COL23A1: variants seen among roughly 807,000 people sequenced by gnomAD.
COL23A1 encodes collagen alpha-1(XXIII) chain.
A neutral mutation model predicts 99.3 loss-of-function variants in COL23A1; 97 were observed. That is an observed-to-expected ratio of 0.98 (90% confidence interval 0.83 to 1.16). The LOEUF is 1.16. COL23A1 is among the 50% of genes most tolerant of loss of function. The pLI is 0.00. For missense variants in COL23A1, 762 were observed against 757.4 expected (o/e 1.01, Z -0.07); for synonymous variants, 320 against 308.2 (o/e 1.04, Z -0.40).
At position 178,589,716 on chromosome 5, in the gene COL23A1, C is replaced by A. The variant is rs1764168804; in HGVS notation, c.294+188G>T. Reference sequence around the variant, plus strand: ...AGGCCGGAGCGGAGACCGCAAAACCCCTTGGGGCCGGCACCCCCTGCCTCC... The same window carrying A: ...AGGCCGGAGCGGAGACCGCAAAACCACTTGGGGCCGGCACCCCCTGCCTCC... On this transcript the variant is annotated intron_variant, in intron 1 of 28. Transcript: ENST00000390654. The surrounding 1 kb of genome is among the most constrained non-coding windows in gnomAD (Gnocchi z 5.4). 1.3e-5 allele frequency among the ~76,000 whole-genome samples: 2 copies of A among 152,166 alleles called. No homozygotes were observed. Among genetic ancestry groups the A allele is most frequent in the Admixed American group, 6.5e-5 (1 of 15,290 alleles).
intron 1 of COL23A1, among the ~76,000 whole-genome samples, chr5:178,585,208 G>T (rs1457953530): frequency 6.6e-6 from 1 of 152,184 alleles, no homozygotes; most frequent in Non-Finnish European, 1.5e-5. Context: ...ACTTAGGCGG[G>T]CCAGTGGATG....
At chr5:178,536,781 G>C (rs550076) in intron 2 of COL23A1, among the ~76,000 whole-genome samples, 3 of 152,078 alleles carry the variant, frequency 2.0e-5, no homozygotes, top group Admixed American at 1.3e-4. Flanking sequence ...GAGGTTTCCC[G>C]GGGAGGTGGG....
chr5:178,366,986 G>A lies in COL23A1; in HGVS notation c.362-60067C>T, dbSNP rs149426720. On this transcript the variant is annotated intron_variant, in intron 2 of 28. Coordinates refer to ENST00000390654, the MANE Select transcript of COL23A1 (RefSeq NM_173465.4). The surrounding 1 kb of genome is among the most constrained non-coding windows in gnomAD (Gnocchi z 4.4). The stretch of plus-strand genomic sequence containing the variant: ...GTCTCCTACGGACCTGGAATGGGGT[G>A]GTCATTTGGTGCGTGTTTGTTGAAA... Among the ~76,000 whole-genome samples, 1 of 152,154 alleles carries A rather than the reference G, an allele frequency of 6.6e-6. No individual in the cohort carries two copies. Among genetic ancestry groups the A allele is most frequent in the Non-Finnish European group, 1.5e-5 (1 of 68,032 alleles).
chr5:178,240,379 C>T (rs936248724), intron 27 of COL23A1, among the ~76,000 whole-genome samples: 10 of 152,090 alleles, frequency 6.6e-5, no homozygotes, highest in South Asian at 2.1e-4. Flanking sequence ...CGAGGAAGGC[C>T]GGGGCAGAGC....
chr5:178,386,666 G>T (rs1335780867), intron 2 of COL23A1, among the ~76,000 whole-genome samples: 1 of 152,104 alleles, frequency 6.6e-6, no homozygotes, highest in Non-Finnish European at 1.5e-5. Context: ...AGCTCACTGA[G>T]ACCCGGTGGG....
At chr5:178,572,445 A>C (rs896501190) in intron 1 of COL23A1, among the ~76,000 whole-genome samples, 2 of 138,888 alleles carry the variant, frequency 1.4e-5, no homozygotes, top group Admixed American at 1.4e-4. Context: ...AAGCACACAC[A>C]AAAAAAAATC....
chr5:178,406,565 G>T (rs2127773648), intron 2 of COL23A1, among the ~76,000 whole-genome samples: 1 of 152,184 alleles, frequency 6.6e-6, no homozygotes, highest in Admixed American at 6.5e-5. Flanking sequence ...GAGTAGCTGG[G>T]ATTACAGGCA....
At chr5:178,250,978 C>CAAAAAA (rs558621690) in intron 17 of COL23A1, among the ~76,000 whole-genome samples, 1 of 72,096 alleles carries the variant, frequency 1.4e-5, no homozygotes, top group African/African-American at 5.1e-5. Flanking sequence ...GACTCCGTCT[C>CAAAAAA]AAAAAAAAAA....
At chr5:178,578,124 C>T (rs1763483203) in intron 1 of COL23A1, among the ~76,000 whole-genome samples, 2 of 141,472 alleles carry the variant, frequency 1.4e-5, no homozygotes, top group African/African-American at 6.0e-5. Context: ...CATTCATGCA[C>T]ACACACACAT....
intron 2 of COL23A1, among the ~76,000 whole-genome samples, chr5:178,536,215 G>A (rs1039724376): frequency 1.3e-4 from 20 of 152,254 alleles, no homozygotes; most frequent in African/African-American, 3.9e-4. Context: ...GGCTCATGCC[G>A]CAGGGGTGCT....
intron 5 of COL23A1, among the ~76,000 whole-genome samples, chr5:178,286,544 G>C (rs114792811): frequency 6.6e-6 from 1 of 152,214 alleles, no homozygotes; most frequent in Non-Finnish European, 1.5e-5. Flanking sequence ...CCTGGCTCGC[G>C]TTCTGGGTGC....
chr5:178,524,101 G>A (rs1261910621), intron 2 of COL23A1, among the ~76,000 whole-genome samples: 3 of 152,142 alleles, frequency 2.0e-5, no homozygotes, highest in African/African-American at 4.8e-5. Context: ...CCTGGGTCAC[G>A]CTAGCTTAAA....
At chr5:178,342,887 G>A (rs1760747550) in intron 2 of COL23A1, among the ~76,000 whole-genome samples, 1 of 152,192 alleles carries the variant, frequency 6.6e-6, no homozygotes, top group African/African-American at 2.4e-5. Context: ...AAGACCATCA[G>A]AGATAGAGAG....
chr5:178,298,193 G>A (rs1757849495), intron 3 of COL23A1, among the ~76,000 whole-genome samples: 1 of 152,158 alleles, frequency 6.6e-6, no homozygotes, highest in Non-Finnish European at 1.5e-5. Context: ...TGAAGTAGAG[G>A]GTTTGATGAT....
intron 8 of COL23A1, among the ~76,000 whole-genome samples, chr5:178,264,460 G>A (rs894590724): frequency 5.9e-5 from 9 of 151,962 alleles, no homozygotes; most frequent in African/African-American, 1.9e-4. Flanking sequence ...CCCACCTCAT[G>A]GCCCAACCCG....
intron 2 of COL23A1, among the ~76,000 whole-genome samples, chr5:178,344,320 T>C (rs1680154363): frequency 6.6e-6 from 1 of 152,154 alleles, no homozygotes; most frequent in Admixed American, 6.5e-5. Context: ...TTTTACACAG[T>C]TGTTTAGGGA....
At chr5:178,474,096 G>C (rs1009207153) in intron 2 of COL23A1, among the ~76,000 whole-genome samples, 30 of 152,202 alleles carry the variant, frequency 2.0e-4, no homozygotes, top group African/African-American at 7.0e-4. Flanking sequence ...ACATTCTCCA[G>C]AGCAAGAGTT....
chr5:178,559,168 C>T (rs1011303125), intron 2 of COL23A1, among the ~76,000 whole-genome samples: 2 of 152,168 alleles, frequency 1.3e-5, no homozygotes, highest in Non-Finnish European at 2.9e-5. Context: ...TCTCAGAGGT[C>T]CTATAAAGGC....
intron 5 of COL23A1, among the ~76,000 whole-genome samples, chr5:178,271,930 C>T (rs1003378675): frequency 1.3e-5 from 2 of 152,196 alleles, no homozygotes; most frequent in Admixed American, 1.3e-4. Flanking sequence ...CTCATAGGCC[C>T]CTGACCGGTG....
Sources: allele counts gnomAD v4.1 joint callset (sites outside exome capture counted in the v4.1 genomes callset), GRCh38; gene constraint gnomAD v4.1.1; non-coding constraint Gnocchi (gnomAD v3.1); transcripts MANE v1.5; gene names NCBI Gene and HGNC (gene_info 2026-07-23, HGNC 2026-07-21).